Variants in CAMSAP2 observed in about 807,000 individuals in gnomAD.
CAMSAP2 encodes the protein calmodulin regulated spectrin associated protein family member 2, also known as calmodulin-regulated spectrin-associated protein 2.
Under a neutral mutation model 146.1 loss-of-function variants are expected in CAMSAP2, and 26 were observed. The ratio of observed to expected loss-of-function variants is 0.18; its 90% CI spans 0.13 to 0.25. The LOEUF (loss-of-function observed/expected upper bound fraction) is 0.25, where lower values mean the gene tolerates loss of function less well. Among genes scored for constraint, CAMSAP2 ranks in the 10% least tolerant of loss-of-function variants. The probability of loss-of-function intolerance (pLI) is 1.00; values close to 1 mark genes in which losing one functional copy is unlikely to be tolerated. For missense variants in CAMSAP2, 1,381 were observed against 1,759.3 expected (o/e 0.78, Z 3.85); for synonymous variants, 499 against 596.6 (o/e 0.84, Z 2.38).
chr1:200,853,174 A>T lies in CAMSAP2; in HGVS notation c.3603-101A>T, dbSNP rs891818004. 10 of 1,013,686 alleles carry T rather than the reference A, an allele frequency of 9.9e-6. No homozygotes were observed. The highest frequency in any genetic ancestry group is 1.6e-5 in the African/African-American group (1 of 61,952). The allele number at this position is 1,013,686 out of a possible 1,614,324, so 62.8% of individuals were successfully genotyped here. On this transcript the variant is annotated intron_variant, in intron 12 of 16. Coordinates refer to ENST00000358823, the MANE Select transcript of CAMSAP2 (RefSeq NM_203459.4). This position sits in a 1 kb window ranked among gnomAD's most constrained non-coding sequence, Gnocchi z 5.1. Reference sequence around the variant, plus strand: ...AATGAACCATTTATTCACCAAGGTGATGAAATAGAATTCTCCTTTCTCATA... The same window carrying T: ...AATGAACCATTTATTCACCAAGGTGTTGAAATAGAATTCTCCTTTCTCATA...
intron 6 of CAMSAP2, among the ~76,000 whole-genome samples, chr1:200,841,408 G>A (rs1205826654): frequency 2.6e-5 from 4 of 152,002 alleles, no homozygotes; most frequent in Non-Finnish European, 4.4e-5. Flanking sequence ...CACCACACCC[G>A]GCTAGTTTTT....
Position 200,816,747 on chromosome 1 carries a change from C to T in CAMSAP2, c.645+1103C>T, listed in dbSNP as rs201530339. 2.3e-5 allele frequency among the ~76,000 whole-genome samples: 2 copies of T among 88,386 alleles called. 1 individual carries two copies. The highest frequency in any genetic ancestry group is 4.0e-5 in the Non-Finnish European group (2 of 49,444). The allele number at this position is 88,386 out of a possible 152,430, so 58.0% of individuals were successfully genotyped here. On this transcript the variant is annotated intron_variant, in intron 4 of 16. Coordinates refer to ENST00000358823, the MANE Select transcript of CAMSAP2 (RefSeq NM_203459.4). ...ACATATATGTGTGTACACACACACG[C>T]GTGTATATATGTGTGTACACACACA...
chr1:200,857,781 T>C lies in CAMSAP2; in HGVS notation c.4159T>C (p.Phe1387Leu). ...EEMEKSDANN[F>L]LILFRDSGCQ... is the part of the protein sequence containing the mutation. ...AATGGAGAAATCAGATGCCAACAAC[T>C]TCTTAATCTTGTTCCGGGATTCAGG... is the stretch of plus-strand genomic sequence containing the variant. Residue 1387 changes from phenylalanine (F) to leucine (L), a missense_variant, in exon 17 of 17, where the codon TTC becomes CTC. Transcript: ENST00000358823. This position sits in a 1 kb window ranked among gnomAD's most constrained non-coding sequence, Gnocchi z 4.7. 1.9e-6 allele frequency: 3 copies of C among 1,601,370 alleles called. No individual in the cohort carries two copies. Among genetic ancestry groups the C allele is most frequent in the African/African-American group, 1.3e-5 (1 of 74,308 alleles).
intron 1 of CAMSAP2, among the ~76,000 whole-genome samples, chr1:200,746,709 C>T (rs1664337820): frequency 6.6e-6 from 1 of 151,630 alleles, no homozygotes; most frequent in South Asian, 2.1e-4. Flanking sequence ...AGCTCCGCCT[C>T]CCGGGTTCTC....
chr1:200,853,489 C>A lies in CAMSAP2; in HGVS notation c.3817C>A (p.Pro1273Thr). 6.2e-7 allele frequency: 1 copy of A among 1,607,522 alleles called. No homozygotes were observed. Among genetic ancestry groups the A allele is most frequent in the Non-Finnish European group, 8.5e-7 (1 of 1,175,046 alleles). ...ATCCCCCAAAACACCAATAAAGGGT[C>A]CTCCAGGTAACATAGCTTATTATGA... ...IESPKTPIKGPPVSSLSLASL... is the reference protein window; with the variant it reads ...IESPKTPIKGTPVSSLSLASL... The change falls in exon 13 of 17, where the codon CCT becomes ACT. Residue 1273 changes from proline (P) to threonine (T), a missense_variant. Pro to Thr is a conservative substitution (Grantham distance 38). Around this residue, in one of 4 missense-constraint regions of CAMSAP2, gnomAD observed 560 missense variants for 715.9 expected, o/e 0.78. Coordinates refer to ENST00000358823, the MANE Select transcript of CAMSAP2 (RefSeq NM_203459.4). This position sits in a 1 kb window ranked among gnomAD's most constrained non-coding sequence, Gnocchi z 5.1.
intron 4 of CAMSAP2, chr1:200,828,522 T>C: frequency 6.5e-7 from 1 of 1,534,908 alleles, no homozygotes; most frequent in Non-Finnish European, 8.8e-7. Flanking sequence ...TTCTGATGAA[T>C]TTTCCCTTTA....
intron 3 of CAMSAP2, among the ~76,000 whole-genome samples, chr1:200,815,086 A>G (rs1346279777): frequency 6.6e-6 from 1 of 152,150 alleles, no homozygotes; most frequent in East Asian, 1.9e-4. Flanking sequence ...TAACTGTGGC[A>G]TTATGACTGC....
At chr1:200,789,383 T>C (rs980179912) in intron 2 of CAMSAP2, among the ~76,000 whole-genome samples, 1 of 152,202 alleles carries the variant, frequency 6.6e-6, no homozygotes, top group African/African-American at 2.4e-5. Flanking sequence ...TAGAGTCTTT[T>C]TTTTTTCATG....
At position 200,848,284 on chromosome 1, in the gene CAMSAP2, C is replaced by T. The variant is rs192344465; in HGVS notation, c.1515C>T (p.Asn505=). 17 of 1,613,200 alleles carry T rather than the reference C, an allele frequency of 1.1e-5. No individual in the cohort carries two copies. In the African/African-American group the frequency reaches 1.7e-4, roughly 16 times the overall value. The part of the protein sequence containing the change: ...HSDLKSCVPL[N]TNELNSNENI... ...ACCTCAAATCTTGTGTGCCCCTTAACACAAATGAACTAAATTCTAATGAGA... is the reference window on the plus strand; with the variant it reads ...ACCTCAAATCTTGTGTGCCCCTTAATACAAATGAACTAAATTCTAATGAGA... Residue 505 remains asparagine (N), a synonymous_variant, in exon 11 of 17, where the codon AAC becomes AAT. Coordinates refer to ENST00000358823, the MANE Select transcript of CAMSAP2 (RefSeq NM_203459.4).
chr1:200,841,637 A>AACCC (rs1398030397), intron 6 of CAMSAP2, among the ~76,000 whole-genome samples: 1 of 152,212 alleles, frequency 6.6e-6, no homozygotes, highest in Non-Finnish European at 1.5e-5. Context: ...TGAAAGTGAT[A>AACCC]ACCCCTCTTT....
intron 4 of CAMSAP2, among the ~76,000 whole-genome samples, chr1:200,822,911 C>G (rs781443605): frequency 2.0e-5 from 3 of 152,104 alleles, no homozygotes; most frequent in Non-Finnish European, 4.4e-5. Context: ...ATTTTTCATT[C>G]ATTTTCAGAC....
At chr1:200,824,789 G>A (rs181457830) in intron 4 of CAMSAP2, among the ~76,000 whole-genome samples, 40 of 152,252 alleles carry the variant, frequency 2.6e-4, no homozygotes, top group African/African-American at 9.1e-4. Context: ...GACCAGCCTG[G>A]CCAACATGGT....
intron 4 of CAMSAP2, among the ~76,000 whole-genome samples, chr1:200,816,696 A>C (rs1424761080): frequency 7.4e-6 from 1 of 135,016 alleles, no homozygotes; most frequent in Non-Finnish European, 1.6e-5. Flanking sequence ...GTACATGCAC[A>C]CATATATGTG....
At chr1:200,819,039 C>A (rs756348264) in intron 4 of CAMSAP2, among the ~76,000 whole-genome samples, 3 of 152,098 alleles carry the variant, frequency 2.0e-5, no homozygotes, top group Non-Finnish European at 4.4e-5. Context: ...TATGAAATAT[C>A]TTTTTATAAC....
chr1:200,747,986 C>CAAAAAAAAAAAAAA (rs901478330), intron 1 of CAMSAP2, among the ~76,000 whole-genome samples: 1 of 68,788 alleles, frequency 1.5e-5, no homozygotes, highest in African/African-American at 4.8e-5. Context: ...GACTCCGTCT[C>CAAAAAAAAAAAAAA]AAAAAAAAAA....
At chr1:200,826,446 A>G (rs572689307) in intron 4 of CAMSAP2, among the ~76,000 whole-genome samples, 18 of 151,572 alleles carry the variant, frequency 1.2e-4, no homozygotes, top group Non-Finnish European at 2.4e-4. Context: ...AAAAAAAAAG[A>G]TTAAATCTAA....
Position 200,849,648 on chromosome 1 carries a change from C to T in CAMSAP2, c.2879C>T (p.Pro960Leu). The T allele has an allele frequency of 1.9e-6, 3 of 1,614,220 alleles. No homozygotes were observed. In the South Asian group the frequency reaches 3.3e-5, roughly 18 times the overall value. The change falls in exon 11 of 17, where the codon CCA (proline) becomes CTA (leucine). Residue 960 changes from proline to leucine, a missense_variant. Pro to Leu is a moderately conservative substitution (Grantham distance 98). Around this residue, in one of 4 missense-constraint regions of CAMSAP2, gnomAD observed 560 missense variants for 715.9 expected, o/e 0.78. Coordinates refer to ENST00000358823, the MANE Select transcript of CAMSAP2 (RefSeq NM_203459.4). The surrounding 1 kb of genome is among the most constrained non-coding windows in gnomAD (Gnocchi z 6.3). ...SDSPRPTHPSPQSSNRKSASF... is the reference protein window; with the variant it reads ...SDSPRPTHPSLQSSNRKSASF... ...TCCCCTCGTCCTACTCACCCATCTC[C>T]ACAGTCTTCTAACAGGAAAAGTGCA...
chr1:200,836,543 C>T (rs1299199037), intron 6 of CAMSAP2, among the ~76,000 whole-genome samples: 1 of 149,986 alleles, frequency 6.7e-6, no homozygotes, highest in East Asian at 1.9e-4. Flanking sequence ...AATAGTGCTG[C>T]AGTGAACATA....
At chr1:200,778,936 A>C (rs1279059591) in intron 2 of CAMSAP2, among the ~76,000 whole-genome samples, 3 of 152,190 alleles carry the variant, frequency 2.0e-5, no homozygotes, top group Non-Finnish European at 4.4e-5. Context: ...GGGGCCTGGC[A>C]CAAGACAATG....
Sources: gnomAD v4.1 joint callset for allele counts (sites outside exome capture counted in the v4.1 genomes callset) on GRCh38, gnomAD v4.1.1 for gene constraint, gnomAD v4.1.1 regional missense constraint, Gnocchi (gnomAD v3.1) non-coding constraint, MANE v1.5 for transcripts, NCBI Gene and HGNC (gene_info 2026-07-23, HGNC 2026-07-21) for gene names.